The following CELF4 variants were observed in gnomAD, a reference collection of about 807,000 sequenced individuals.
CELF4 encodes CUGBP Elav-like family member 4.
CELF4 carries 18 observed loss-of-function variants against 59.9 expected under a neutral mutation model. The ratio of observed to expected loss-of-function variants is 0.30; its 90% CI spans 0.21 to 0.45. The LOEUF is 0.45. Ranked by LOEUF, CELF4 falls within the 20% of genes least tolerant of loss-of-function variation. The probability of loss-of-function intolerance (pLI) is 1.00; values close to 1 mark genes in which losing one functional copy is unlikely to be tolerated. For synonymous variants in CELF4, 261 were observed against 267.1 expected (o/e 0.98, Z 0.22); for missense variants, 456 against 689.0 (o/e 0.66, Z 3.79).
In CELF4 at chr18:37,304,210, C is replaced by T. The variant is rs565780222; in HGVS notation, c.448+17593G>A. 9.8e-5 allele frequency among the ~76,000 whole-genome samples: 15 copies of T among 152,302 alleles called. No homozygotes were observed. The South Asian group carries it at 1.2e-3, about 13-fold the overall frequency. ...CTCAGTGAAGGCATCCATTCTTTGC[C>T]GGAAGCATCGCCCACACAGATGCTT... is the stretch of plus-strand genomic sequence containing the variant. On this transcript the variant is annotated intron_variant, in intron 3 of 12. Coordinates refer to ENST00000420428, the MANE Select transcript of CELF4 (RefSeq NM_020180.4).
chr18:37,294,942 G>C (rs11664208), intron 3 of CELF4, among the ~76,000 whole-genome samples: 25,366 of 152,214 alleles, frequency 0.17, 2,473 homozygotes, highest in South Asian at 0.23. Context: ...AAACTTCTCT[G>C]TTTTCCGCTA....
At chr18:37,476,707 C>G (rs1569569579) in intron 2 of CELF4, among the ~76,000 whole-genome samples, 1 of 152,202 alleles carries the variant, frequency 6.6e-6, no homozygotes, top group Non-Finnish European at 1.5e-5. Context: ...TAAAACACAT[C>G]CATCCCGGAG....
At chr18:37,466,933 C>T (rs1013348687) in intron 2 of CELF4, among the ~76,000 whole-genome samples, 1 of 152,146 alleles carries the variant, frequency 6.6e-6, no homozygotes, top group Non-Finnish European at 1.5e-5. Flanking sequence ...TGGAGCCACT[C>T]AGCGGGTGTG....
intron 3 of CELF4, among the ~76,000 whole-genome samples, chr18:37,292,797 G>A (rs960194239): frequency 1.3e-5 from 2 of 152,128 alleles, no homozygotes; most frequent in Admixed American, 1.3e-4. Context: ...AATGTGCACC[G>A]TTTCTGGACA....
chr18:37,392,976 T>A (rs1050229997), intron 2 of CELF4, among the ~76,000 whole-genome samples: 2 of 152,208 alleles, frequency 1.3e-5, no homozygotes, highest in African/African-American at 4.8e-5. Flanking sequence ...TATTTTTGTC[T>A]GTTCCCTGTG....
intron 2 of CELF4, among the ~76,000 whole-genome samples, chr18:37,343,517 C>T (rs1324073497): frequency 2.0e-5 from 3 of 151,996 alleles, no homozygotes; most frequent in African/African-American, 4.8e-5. Flanking sequence ...CGGCCAGGCT[C>T]GGCTTTGTGT....
At chr18:37,493,963 A>G (rs2099921925) in intron 1 of CELF4, among the ~76,000 whole-genome samples, 1 of 152,202 alleles carries the variant, frequency 6.6e-6, no homozygotes, top group Non-Finnish European at 1.5e-5. Context: ...TTGTACCCAC[A>G]AGACAGAGAT....
At position 37,254,037 on chromosome 18, in the gene CELF4, G is replaced by C. The variant is rs2067355547; in HGVS notation, c.1334-99C>G. 1.1e-6 allele frequency: 1 copy of C among 897,240 alleles called. No homozygotes were observed. The highest frequency in any genetic ancestry group is 1.5e-6 in the Non-Finnish European group (1 of 674,418). 55.6% of individuals were successfully genotyped at this position (897,240 alleles called of 1,614,324 possible). On this transcript the variant is annotated intron_variant, in intron 11 of 12. Transcript: ENST00000420428. This position sits in a 1 kb window ranked among gnomAD's most constrained non-coding sequence, Gnocchi z 5.1. ...GGGGACAGGGGGGCGGGGCGGGCCT[G>C]AGGCTCTCCCCCTCGGGCCCCGCCC...
At chr18:37,431,401 T>A (rs1362140997) in intron 2 of CELF4, among the ~76,000 whole-genome samples, 9 of 149,568 alleles carry the variant, frequency 6.0e-5, no homozygotes, top group Middle Eastern at 3.4e-3. Context: ...GGAGTCTTGT[T>A]CTGTCGCCCA....
intron 2 of CELF4, among the ~76,000 whole-genome samples, chr18:37,470,868 G>GAC (rs2099819335): frequency 8.0e-6 from 1 of 125,584 alleles, no homozygotes; most frequent in Non-Finnish European, 1.7e-5. Flanking sequence ...GTGTGTGTGT[G>GAC]TGTGTGTGTG....
rs552881886 is a variant in CELF4, at chr18:37,343,178, C to A, written c.370-21297G>T. ...TGGGCTAGCAGCAGTGTCTTCTACCCTTACTTTCTGAATTTTAGTTGGTGA... is the reference window on the plus strand; with the variant it reads ...TGGGCTAGCAGCAGTGTCTTCTACCATTACTTTCTGAATTTTAGTTGGTGA... On this transcript the variant is annotated intron_variant, in intron 2 of 12. Transcript: ENST00000420428. 7.9e-5 allele frequency among the ~76,000 whole-genome samples: 12 copies of A among 152,292 alleles called. No individual in the cohort carries two copies. The South Asian group carries it at 8.3e-4, about 11-fold the overall frequency.
intron 2 of CELF4, among the ~76,000 whole-genome samples, chr18:37,437,184 G>T (rs58987919): frequency 1.7e-3 from 266 of 152,246 alleles, no homozygotes; most frequent in African/African-American, 5.8e-3. Context: ...GCCCCACCTT[G>T]AGCTCTGCCT....
rs1173336791 is a variant in CELF4, at chr18:37,526,652, C to A, written c.286+38704G>T. On this transcript the variant is annotated intron_variant, in intron 1 of 12. Transcript: ENST00000420428. ...TTGCTGCAGAGAAGCTCCTGTCATA[C>A]CACAACCTGCCTCAGGATCATGTTA... Among the ~76,000 whole-genome samples the A allele has an allele frequency of 1.3e-5, 2 of 152,212 alleles. 1 individual carries two copies. Among genetic ancestry groups the A allele is most frequent in the Non-Finnish European group, 2.9e-5 (2 of 68,048 alleles).
At chr18:37,328,151 T>G (rs2097392696) in intron 2 of CELF4, among the ~76,000 whole-genome samples, 1 of 152,246 alleles carries the variant, frequency 6.6e-6, no homozygotes, top group African/African-American at 2.4e-5. Context: ...AGGACTGTGC[T>G]TCTTCCCTGG....
intron 1 of CELF4, among the ~76,000 whole-genome samples, chr18:37,504,453 CA>C (rs765700471): frequency 0.041 from 2,889 of 71,154 alleles, 63 homozygotes; most frequent in African/African-American, 0.11. Context: ...GACTCCATCT[CA>C]AAAAAAAAAA....
chr18:37,416,098 T>G (rs1463660304), intron 2 of CELF4, among the ~76,000 whole-genome samples: 1 of 151,964 alleles, frequency 6.6e-6, no homozygotes, highest in Non-Finnish European at 1.5e-5. Context: ...CTCGTGCCAC[T>G]TAGAGCCCTG....
intron 2 of CELF4, among the ~76,000 whole-genome samples, chr18:37,408,482 T>G (rs1463711600): frequency 1.0e-4 from 4 of 38,192 alleles, no homozygotes; most frequent in Non-Finnish European, 2.8e-4. Flanking sequence ...TTTCCCCCTT[T>G]GGTTGGTGCC....
At chr18:37,351,913 C>T (rs950251710) in intron 2 of CELF4, among the ~76,000 whole-genome samples, 3 of 152,116 alleles carry the variant, frequency 2.0e-5, no homozygotes, top group African/African-American at 4.8e-5. Context: ...ACCACCGAAC[C>T]TGGCCCAGAA....
intron 2 of CELF4, among the ~76,000 whole-genome samples, chr18:37,396,258 C>T (rs193255378): frequency 2.8e-4 from 42 of 152,318 alleles, no homozygotes; most frequent in Admixed American, 1.8e-3. Context: ...AACAGCCACA[C>T]GCCACTGTGG....
Sources: gnomAD v4.1 joint callset for allele counts (sites outside exome capture counted in the v4.1 genomes callset) on GRCh38, gnomAD v4.1.1 for gene constraint, Gnocchi (gnomAD v3.1) non-coding constraint, MANE v1.5 for transcripts, NCBI Gene and HGNC (gene_info 2026-07-23, HGNC 2026-07-21) for gene names.